SNAP25: variants seen among roughly 807,000 people sequenced by gnomAD.
SNAP25 encodes synaptosome associated protein 25.
SNAP25 carries 3 observed loss-of-function variants against 28.7 expected under a neutral mutation model. The observed-to-expected ratio is 0.10, with a 90% CI of 0.05 to 0.27. The LOEUF (loss-of-function observed/expected upper bound fraction) is 0.27. Ranked by LOEUF, SNAP25 falls within the 10% of genes least tolerant of loss-of-function variation. The probability of loss-of-function intolerance (pLI) is 1.00; values close to 1 mark genes in which losing one functional copy is unlikely to be tolerated. For missense variants in SNAP25, 117 were observed against 278.7 expected, an observed-to-expected ratio of 0.42 and a Z score of 4.13; for synonymous variants, 61 against 88.1, an observed-to-expected ratio of 0.69 and a Z score of 1.72.
Position 10,306,271 on chromosome 20 carries a change from C to A in SNAP25, c.*74C>A. On this transcript the variant is annotated 3_prime_UTR_variant, in exon 8 of 8. Transcript: ENST00000254976. The stretch of plus-strand genomic sequence containing the variant: ...CTTCATGCTTTTCTCATGGTATTAT[C>A]TAGTAGGTCTGCACACATAACACAC... 2 of 1,390,234 alleles carry A rather than the reference C, an allele frequency of 1.4e-6. No individual in the cohort carries two copies. Among genetic ancestry groups the A allele is most frequent in the Non-Finnish European group, 2.0e-6 (2 of 981,656 alleles). 86.1% of individuals were successfully genotyped at this position (1,390,234 alleles called of 1,614,324 possible).
At chr20:10,255,126 G>A (rs1183753771) in intron 1 of SNAP25, among the ~76,000 whole-genome samples, 2 of 152,174 alleles carry the variant, frequency 1.3e-5, no homozygotes, top group Non-Finnish European at 2.9e-5. Flanking sequence ...CTGAAAATTT[G>A]TCTTTTGGAG....
chr20:10,240,123 G>A (rs1048280577), intron 1 of SNAP25, among the ~76,000 whole-genome samples: 2 of 152,070 alleles, frequency 1.3e-5, no homozygotes, highest in African/African-American at 2.4e-5. Context: ...GCTCATTCAG[G>A]TTGTTTGTAG....
chr20:10,298,892 A>G (rs938706633), intron 6 of SNAP25, among the ~76,000 whole-genome samples: 22 of 151,526 alleles, frequency 1.5e-4, no homozygotes, highest in Non-Finnish European at 2.8e-4. Context: ...TATTCTTAGA[A>G]AGAAGAATAT....
chr20:10,230,689 C>G (rs768643657), intron 1 of SNAP25, among the ~76,000 whole-genome samples: 3 of 152,190 alleles, frequency 2.0e-5, no homozygotes, highest in Non-Finnish European at 2.9e-5. Flanking sequence ...ACCTTCACAT[C>G]TGTCTCAAAC....
chr20:10,264,228 A>G (rs1305782407), intron 1 of SNAP25, among the ~76,000 whole-genome samples: 4 of 152,096 alleles, frequency 2.6e-5, no homozygotes, highest in Non-Finnish European at 4.4e-5. Flanking sequence ...CTAATCCTGG[A>G]CTAGCCCAGG....
chr20:10,265,722 T>C (rs2122928268), intron 1 of SNAP25, among the ~76,000 whole-genome samples: 3 of 152,238 alleles, frequency 2.0e-5, no homozygotes, highest in Middle Eastern at 6.8e-3. Flanking sequence ...TTGGTGAGGT[T>C]AAAATAACAT....
chr20:10,284,145 A>G (rs2063831003), intron 3 of SNAP25, among the ~76,000 whole-genome samples: 1 of 152,096 alleles, frequency 6.6e-6, no homozygotes, highest in East Asian at 1.9e-4. Flanking sequence ...CTCTCCATAG[A>G]GATAGAAAAA....
intron 1 of SNAP25, among the ~76,000 whole-genome samples, chr20:10,264,515 A>AT (rs2063473513): frequency 6.6e-6 from 1 of 152,254 alleles, no homozygotes; most frequent in Non-Finnish European, 1.5e-5. Context: ...TATAAGAAGC[A>AT]TACTAATGGT....
chr20:10,228,998 A>T (rs2062780180), intron 1 of SNAP25, among the ~76,000 whole-genome samples: 2 of 152,096 alleles, frequency 1.3e-5, no homozygotes, highest in Non-Finnish European at 2.9e-5. Flanking sequence ...TTTGATTAGC[A>T]TCTCTGCTTT....
At chr20:10,277,869 G>A in intron 3 of SNAP25, 143 bp downstream of exon 3, 1 of 737,164 alleles carries the variant, frequency 1.4e-6, no homozygotes, top group South Asian at 1.8e-5. Context: ...CAGAATGAGG[G>A]AGATGCTGTA....
chr20:10,280,974 C>G (rs2063768782), intron 3 of SNAP25, among the ~76,000 whole-genome samples: 1 of 152,060 alleles, frequency 6.6e-6, no homozygotes, highest in Admixed American at 6.6e-5. Flanking sequence ...CTGGAGTGTT[C>G]TAGTTTTAGT....
intron 1 of SNAP25, among the ~76,000 whole-genome samples, chr20:10,251,558 G>A (rs2063228476): frequency 6.6e-6 from 1 of 152,208 alleles, no homozygotes; most frequent in Non-Finnish European, 1.5e-5. Flanking sequence ...TCCTGAAGGA[G>A]CAATGATTAA....
intron 1 of SNAP25, among the ~76,000 whole-genome samples, chr20:10,240,740 C>T (rs2063012593): frequency 6.6e-6 from 1 of 152,212 alleles, no homozygotes; most frequent in African/African-American, 2.4e-5. Context: ...GACCCATCCA[C>T]CTGCCTGAGT....
chr20:10,266,713 G>C (rs2063512639), intron 1 of SNAP25, among the ~76,000 whole-genome samples: 1 of 152,166 alleles, frequency 6.6e-6, no homozygotes, highest in Non-Finnish European at 1.5e-5. Context: ...AATGCACTAT[G>C]AAAAGGTAGC....
intron 1 of SNAP25, among the ~76,000 whole-genome samples, chr20:10,225,234 G>GGA (rs1555784908): frequency 1.4e-5 from 2 of 144,710 alleles, no homozygotes; most frequent in Non-Finnish European, 3.0e-5. Context: ...TCCCGGAGGG[G>GGA]AAAAAAAAAA....
chr20:10,296,854 A>C, intron 5 of SNAP25, 71 bp from the exon 6 acceptor site: 1 of 1,604,192 alleles, frequency 6.2e-7, no homozygotes, highest in Non-Finnish European at 8.5e-7. Context: ...TCTTCGCTTG[A>C]AGAAGTGACA....
At chr20:10,271,863 C>A (rs1288511344) in intron 1 of SNAP25, among the ~76,000 whole-genome samples, 1 of 152,174 alleles carries the variant, frequency 6.6e-6, no homozygotes, top group Non-Finnish European at 1.5e-5. Flanking sequence ...AATAAACTGG[C>A]CTGTGAAAAG....
At chr20:10,237,276 G>C (rs1370463320) in intron 1 of SNAP25, among the ~76,000 whole-genome samples, 3 of 152,294 alleles carry the variant, frequency 2.0e-5, no homozygotes, top group East Asian at 3.9e-4. Context: ...GGAAGCTGGA[G>C]TATTATGCAC....
At chr20:10,239,305 A>G (rs1473674999) in intron 1 of SNAP25, among the ~76,000 whole-genome samples, 1 of 152,246 alleles carries the variant, frequency 6.6e-6, no homozygotes, top group Non-Finnish European at 1.5e-5. Flanking sequence ...TCATGCACAC[A>G]TATATGAAAT....
Sources: gnomAD v4.1 joint callset for allele counts (sites outside exome capture counted in the v4.1 genomes callset) on GRCh38, gnomAD v4.1.1 for gene constraint, MANE v1.5 for transcripts, NCBI Gene and HGNC (gene_info 2026-07-23, HGNC 2026-07-21) for gene names.